RAP1GAP2: variants seen among roughly 807,000 people sequenced by gnomAD.
The protein encoded by RAP1GAP2 is RAP1 GTPase activating protein 2.
RAP1GAP2 carries 27 observed loss-of-function variants against 95.0 expected under a neutral mutation model. That is an observed-to-expected ratio of 0.28 (90% CI 0.21 to 0.39). The LOEUF is 0.39. Among genes scored for constraint, RAP1GAP2 ranks in the 10% least tolerant of loss-of-function variants. The probability of loss-of-function intolerance (pLI) is 1.00; values close to 1 mark genes in which losing one functional copy is unlikely to be tolerated. For missense variants in RAP1GAP2, 771 were observed against 970.0 expected, an observed-to-expected ratio of 0.79 and a Z score of 2.72; for synonymous variants, 373 against 380.9, an observed-to-expected ratio of 0.98 and a Z score of 0.24.
chr17:2,944,885 T>C (rs992950249), intron 3 of RAP1GAP2, among the ~76,000 whole-genome samples: 6 of 152,186 alleles, frequency 3.9e-5, no homozygotes, highest in Non-Finnish European at 8.8e-5. Flanking sequence ...TAATGCTATT[T>C]TATTTTTTAT....
intron 12 of RAP1GAP2, 143 bp downstream of exon 12, chr17:2,991,540 T>C: frequency 1.5e-6 from 1 of 668,024 alleles, no homozygotes; most frequent in Non-Finnish European, 2.6e-6. Context: ...TGTCGCTCAC[T>C]GCATTTCTAA....
At chr17:2,785,701 T>G (rs1304891390) in intron 1 of RAP1GAP2, among the ~76,000 whole-genome samples, 2 of 152,144 alleles carry the variant, frequency 1.3e-5, no homozygotes, top group Non-Finnish European at 2.9e-5. Context: ...AGCTCGGTTC[T>G]TAAGACGCGA....
chr17:2,927,222 CG>C (rs2042987281), intron 3 of RAP1GAP2, among the ~76,000 whole-genome samples: 1 of 151,290 alleles, frequency 6.6e-6, no homozygotes, highest in South Asian at 2.1e-4. Flanking sequence ...GGCGCGATCT[CG>C]GCTCACTGCA....
intron 19 of RAP1GAP2, among the ~76,000 whole-genome samples, chr17:3,023,109 C>T (rs796585618): frequency 4.1e-4 from 62 of 152,242 alleles, no homozygotes; most frequent in African/African-American, 1.5e-3. Flanking sequence ...TGGAACAAAT[C>T]CCATGGTGAA....
intron 17 of RAP1GAP2, among the ~76,000 whole-genome samples, chr17:3,016,593 G>T (rs1279026752): frequency 6.6e-6 from 1 of 152,214 alleles, no homozygotes; most frequent in East Asian, 1.9e-4. Context: ...CAGAGGCCAT[G>T]TCCTACACAT....
At chr17:2,900,965 C>G (rs2042007533) in intron 2 of RAP1GAP2, among the ~76,000 whole-genome samples, 1 of 152,182 alleles carries the variant, frequency 6.6e-6, no homozygotes, top group Non-Finnish European at 1.5e-5. Context: ...GCAGAGCCCT[C>G]CGAGGGTGGG....
chr17:2,931,917 G>A lies in RAP1GAP2; in HGVS notation c.166-25842G>A, dbSNP rs75926545. ...ATGGCATCTCTCAGGCACATCAGAA[G>A]CACAAGCCCCCCAAAATTTCCAGCT... On this transcript the variant is annotated intron_variant, in intron 3 of 24. Transcript: ENST00000254695. Among the ~76,000 whole-genome samples, 374 of 152,224 alleles carry A rather than the reference G, an allele frequency of 2.5e-3. 10 individuals are homozygous for A. The East Asian group carries it at 0.054, about 22-fold the overall frequency.
At chr17:2,995,522 C>T (rs2045920159) in intron 13 of RAP1GAP2, 56 bp downstream of exon 13, 1 of 1,606,230 alleles carries the variant, frequency 6.2e-7, no homozygotes, top group Admixed American at 1.7e-5. Context: ...GAGGGCCTGC[C>T]TCTGGTCTGA....
chr17:2,871,466 C>A lies in RAP1GAP2; in HGVS notation c.81-33818C>A, dbSNP rs1184098557. Among the ~76,000 whole-genome samples the A allele has an allele frequency of 2.0e-5, 3 of 152,140 alleles. No individual in the cohort carries two copies. The highest frequency in any genetic ancestry group is 2.1e-4 in the South Asian group (1 of 4,820). On this transcript the variant is annotated intron_variant, in intron 2 of 24. Coordinates refer to ENST00000254695, the MANE Select transcript of RAP1GAP2 (RefSeq NM_015085.5). This position sits in a 1 kb window ranked among gnomAD's most constrained non-coding sequence, Gnocchi z 5.0. ...CTCTGGTCAGAGTGGTGTTGTGTTACAAGAGTCCTGTCCAGCGGGAGAGGG... is the reference window on the plus strand; with the variant it reads ...CTCTGGTCAGAGTGGTGTTGTGTTAAAAGAGTCCTGTCCAGCGGGAGAGGG...
intron 2 of RAP1GAP2, among the ~76,000 whole-genome samples, chr17:2,821,560 G>T (rs1397200026): frequency 1.3e-5 from 2 of 151,090 alleles, no homozygotes; most frequent in African/African-American, 4.9e-5. Context: ...TTTTTGTAGA[G>T]ATGAAGTTTT....
At chr17:3,002,058 G>A (rs2046179981) in intron 14 of RAP1GAP2, among the ~76,000 whole-genome samples, 1 of 151,710 alleles carries the variant, frequency 6.6e-6, no homozygotes, top group Non-Finnish European at 1.5e-5. Context: ...TGCCTCCCGG[G>A]TTCAAGCAAT....
At position 2,860,512 on chromosome 17, in the gene RAP1GAP2, A is replaced by T. The variant is rs148922059; in HGVS notation, c.81-44772A>T. On this transcript the variant is annotated intron_variant, in intron 2 of 24. Coordinates refer to ENST00000254695, the MANE Select transcript of RAP1GAP2 (RefSeq NM_015085.5). Reference sequence around the variant, plus strand: ...TATCCTCTCTCCTTATGGTGGCCAGAGTGGAGTTTAAAACATTCAAATAGA... The same window carrying T: ...TATCCTCTCTCCTTATGGTGGCCAGTGTGGAGTTTAAAACATTCAAATAGA... Among the ~76,000 whole-genome samples, 426 of 149,144 alleles carry T rather than the reference A, an allele frequency of 2.9e-3. 1 individual carries two copies. Among genetic ancestry groups the T allele is most frequent in the African/African-American group, 0.01 (410 of 40,682 alleles).
intron 8 of RAP1GAP2, among the ~76,000 whole-genome samples, chr17:2,966,357 T>G (rs1434016731): frequency 2.0e-5 from 3 of 152,210 alleles, no homozygotes; most frequent in Admixed American, 6.5e-5. Flanking sequence ...TATGCACAGG[T>G]TGCTATGGGG....
chr17:2,942,995 C>G (rs1427520001), intron 3 of RAP1GAP2, among the ~76,000 whole-genome samples: 1 of 152,146 alleles, frequency 6.6e-6, no homozygotes, highest in African/African-American at 2.4e-5. Context: ...TCTTGAACTC[C>G]TGACCTCAAG....
intron 22 of RAP1GAP2, among the ~76,000 whole-genome samples, chr17:3,030,209 G>A (rs1290528869): frequency 8.3e-6 from 1 of 120,900 alleles, no homozygotes; most frequent in Non-Finnish European, 1.9e-5. Context: ...CACTCTCATG[G>A]CGCCCGGCCA....
chr17:2,954,368 T>G (rs1414928655), intron 3 of RAP1GAP2, among the ~76,000 whole-genome samples: 1 of 151,894 alleles, frequency 6.6e-6, no homozygotes, highest in Non-Finnish European at 1.5e-5. Context: ...CCTCCCAAAG[T>G]GCTGGGATTA....
At chr17:2,905,898 T>C (rs12937985) in intron 3 of RAP1GAP2, among the ~76,000 whole-genome samples, 62,815 of 152,090 alleles carry the variant, frequency 0.41, 13,232 homozygotes, top group African/African-American at 0.44. Context: ...CAGTCCAGGC[T>C]GCTAGGCCCA....
At chr17:2,790,110 CT>C (rs112066606) in intron 1 of RAP1GAP2, among the ~76,000 whole-genome samples, 4,307 of 144,132 alleles carry the variant, frequency 0.03, 185 homozygotes, top group African/African-American at 0.096. Context: ...CTCCATCATC[CT>C]TTTTTTTTTT....
At position 2,763,418 on chromosome 17, in the gene RAP1GAP2, G is replaced by A. The variant is rs149607116; in HGVS notation, c.51-6911G>A. 3.5e-3 allele frequency among the ~76,000 whole-genome samples: 528 copies of A among 152,260 alleles called. 5 individuals carry two copies. Among genetic ancestry groups the A allele is most frequent in the African/African-American group, 0.012 (488 of 41,568 alleles). On this transcript the variant is annotated intron_variant, in intron 1 of 25. Transcript: ENST00000637138. The stretch of plus-strand genomic sequence containing the variant: ...GCTGTGATCAAGGTTAAGGAAGGCC[G>A]GGTGCGGCAGCTCATGCCTGGAATC...
Sources: allele counts gnomAD v4.1 joint callset (sites outside exome capture counted in the v4.1 genomes callset), GRCh38; gene constraint gnomAD v4.1.1; non-coding constraint Gnocchi (gnomAD v3.1); transcripts MANE v1.5; gene names NCBI Gene and HGNC (gene_info 2026-07-23, HGNC 2026-07-21).